ZNF521: variants seen among roughly 807,000 people sequenced by gnomAD.
ZNF521 encodes the protein zinc finger protein 521, also known as LYST-interacting protein 3.
In ZNF521, 14 loss-of-function variants were observed where a neutral mutation model predicts 105.5. The observed-to-expected ratio is 0.13, with a 90% CI of 0.09 to 0.21. ZNF521 has a LOEUF of 0.21. ZNF521 is among the 10% of genes least tolerant of loss of function. The pLI, the probability that ZNF521 is intolerant of heterozygous loss-of-function variation, is 1.00. For missense variants in ZNF521, 1,233 were observed against 1,629.7 expected (o/e 0.76, Z 4.19); for synonymous variants, 635 against 606.0 (o/e 1.05, Z -0.70).
At chr18:25,286,980 A>C (rs1183239094) in intron 3 of ZNF521, among the ~76,000 whole-genome samples, 1 of 152,236 alleles carries the variant, frequency 6.6e-6, no homozygotes, top group Non-Finnish European at 1.5e-5. Context: ...ATATCAGTGA[A>C]TACTCCAAAA....
rs1568021724 is a variant in ZNF521 at position 25,226,631 on chromosome 18, G to A, written c.1287C>T (p.His429=). The change falls in exon 4 of 8, where the codon CAC becomes CAT. Residue 429 remains histidine, a synonymous_variant. Transcript: ENST00000361524. This position sits in a 1 kb window ranked among gnomAD's most constrained non-coding sequence, Gnocchi z 4.1. ...AVLQIHLKTM[H]LDKPEQAHIC... ...TATGGGCCTGTTCTGGCTTATCTAA[G>A]TGCATAGTTTTCAGGTGAATCTGCA... is the stretch of plus-strand genomic sequence containing the variant. The A allele has an allele frequency of 6.2e-7, 1 of 1,614,194 alleles. No individual in the cohort carries two copies. Among genetic ancestry groups the A allele is most frequent in the East Asian group, 2.2e-5 (1 of 44,874 alleles).
chr18:25,114,864 T>A (rs1405134954), intron 5 of ZNF521, among the ~76,000 whole-genome samples: 1 of 152,232 alleles, frequency 6.6e-6, no homozygotes, highest in East Asian at 1.9e-4. Flanking sequence ...CTCAAGGATG[T>A]CACAGAAGTT....
At chr18:25,066,277 A>G (rs1349384263) in intron 7 of ZNF521, among the ~76,000 whole-genome samples, 1 of 152,112 alleles carries the variant, frequency 6.6e-6, no homozygotes, top group Non-Finnish European at 1.5e-5. Flanking sequence ...CAATGGATAT[A>G]CTTGTGTTGG....
chr18:25,213,278 G>A (rs2036225168), intron 4 of ZNF521, among the ~76,000 whole-genome samples: 1 of 149,594 alleles, frequency 6.7e-6, no homozygotes, highest in African/African-American at 2.4e-5. Flanking sequence ...TATAATGCTT[G>A]CTTAAGATAA....
intron 7 of ZNF521, among the ~76,000 whole-genome samples, chr18:25,081,323 A>T (rs1343993592): frequency 6.6e-6 from 1 of 152,222 alleles, no homozygotes; most frequent in Non-Finnish European, 1.5e-5. Context: ...TCCTAGAATG[A>T]AGAGGTGGTG....
intron 5 of ZNF521, among the ~76,000 whole-genome samples, chr18:25,095,629 A>G (rs1308212444): frequency 6.6e-6 from 1 of 152,160 alleles, no homozygotes; most frequent in Non-Finnish European, 1.5e-5. Context: ...GGAAAAACCT[A>G]CCTTTTCTAA....
chr18:25,072,344 T>C (rs2033246211), intron 7 of ZNF521, among the ~76,000 whole-genome samples: 1 of 152,192 alleles, frequency 6.6e-6, no homozygotes. Context: ...AAAGGACAAA[T>C]TCTGCTGTGA....
chr18:25,227,094 T>C lies in ZNF521; in HGVS notation c.824A>G (p.Asn275Ser). 2 of 1,614,046 alleles carry C rather than the reference T, an allele frequency of 1.2e-6. No homozygotes were observed. The highest frequency in any genetic ancestry group is 1.6e-4 in the Middle Eastern group (1 of 6,062). Reference protein sequence around the residue: ...IAECHPECSPNEDRAALQCVY... With the variant: ...IAECHPECSPSEDRAALQCVY... Reference sequence around the variant, plus strand: ...ACACTGGAGGGCCGCTCGGTCCTCATTTGGGGAGCATTCGGGGTGGCACTC... The same window carrying C: ...ACACTGGAGGGCCGCTCGGTCCTCACTTGGGGAGCATTCGGGGTGGCACTC... Residue 275 changes from asparagine (N) to serine (S), a missense_variant, in exon 4 of 8, where the codon AAT (asparagine) becomes AGT (serine). Asn to Ser is a conservative substitution (Grantham distance 46). Around this residue, in one of 6 missense-constraint regions of ZNF521, gnomAD observed 380 missense variants for 478.0 expected, o/e 0.80. Coordinates refer to ENST00000361524, the MANE Select transcript of ZNF521 (RefSeq NM_015461.3). This position sits in a 1 kb window ranked among gnomAD's most constrained non-coding sequence, Gnocchi z 5.7.
chr18:25,275,426 G>C (rs745327369), intron 3 of ZNF521, among the ~76,000 whole-genome samples: 1 of 152,150 alleles, frequency 6.6e-6, no homozygotes, highest in Non-Finnish European at 1.5e-5. Flanking sequence ...AAATGAAAAC[G>C]AATGTACAGA....
At chr18:25,174,855 AAG>A (rs2035509407) in intron 5 of ZNF521, among the ~76,000 whole-genome samples, 2 of 152,188 alleles carry the variant, frequency 1.3e-5, no homozygotes, top group Admixed American at 6.5e-5. Flanking sequence ...TTAATTTCTA[AAG>A]AGTGTTAATT....
At chr18:25,261,574 TTCC>T (rs1908911436) in intron 3 of ZNF521, among the ~76,000 whole-genome samples, 1 of 152,146 alleles carries the variant, frequency 6.6e-6, no homozygotes, top group African/African-American at 2.4e-5. Context: ...TTTATTTGAT[TTCC>T]TCCTCCTCTC....
intron 4 of ZNF521, among the ~76,000 whole-genome samples, chr18:25,196,944 A>G (rs1172351452): frequency 6.6e-6 from 1 of 151,820 alleles, no homozygotes; most frequent in African/African-American, 2.4e-5. Context: ...TTAGCACAGT[A>G]AAACATACAA....
chr18:25,225,168 G>A lies in ZNF521; in HGVS notation c.2750C>T (p.Ala917Val). 1 of 1,614,078 alleles carries A rather than the reference G, an allele frequency of 6.2e-7. No individual in the cohort carries two copies. The highest frequency in any genetic ancestry group is 8.5e-7 in the Non-Finnish European group (1 of 1,180,012). ...RDHNIRPGES[A>V]IVKKKAELIK... ...GAGCTCAGCTTTCTTTTTCACGATG[G>A]CACTTTCTCCAGGTCTGATGTTGTG... The change falls in exon 4 of 8, where the codon GCC becomes GTC. Residue 917 changes from alanine (A) to valine (V), a missense_variant. Transcript: ENST00000361524. This position sits in a 1 kb window ranked among gnomAD's most constrained non-coding sequence, Gnocchi z 5.6.
At chr18:25,199,150 C>T (rs569187227) in intron 4 of ZNF521, among the ~76,000 whole-genome samples, 1 of 151,774 alleles carries the variant, frequency 6.6e-6, no homozygotes, top group African/African-American at 2.4e-5. Context: ...ACAAATATTA[C>T]TATGAGAAAA....
At chr18:25,342,291 T>C (rs997406998) in intron 2 of ZNF521, among the ~76,000 whole-genome samples, 1 of 152,158 alleles carries the variant, frequency 6.6e-6, no homozygotes, top group Non-Finnish European at 1.5e-5. Flanking sequence ...CCCCTATGTA[T>C]AGGAACTTCA....
At chr18:25,223,396 G>A (rs1313870889) in intron 4 of ZNF521, among the ~76,000 whole-genome samples, 3 of 152,154 alleles carry the variant, frequency 2.0e-5, no homozygotes, top group Non-Finnish European at 2.9e-5. Flanking sequence ...CCACAGGGGG[G>A]CCTCCGCCAG....
intron 5 of ZNF521, among the ~76,000 whole-genome samples, chr18:25,092,985 C>T (rs2033778671): frequency 5.3e-5 from 8 of 152,174 alleles, no homozygotes; most frequent in Admixed American, 5.2e-4. Context: ...ACCAGGGGCA[C>T]TAGAGCTAGC....
intron 5 of ZNF521, among the ~76,000 whole-genome samples, chr18:25,122,396 T>C (rs2034460539): frequency 6.6e-6 from 1 of 152,214 alleles, no homozygotes; most frequent in Non-Finnish European, 1.5e-5. Context: ...CAGAGTGTCA[T>C]GAACATTCAG....
At chr18:25,112,729 T>C (rs2034217829) in intron 5 of ZNF521, among the ~76,000 whole-genome samples, 2 of 152,126 alleles carry the variant, frequency 1.3e-5, no homozygotes, top group South Asian at 4.1e-4. Flanking sequence ...TATTTTGATA[T>C]CTCTATTAAC....
Sources: gnomAD v4.1 joint callset for allele counts (sites outside exome capture counted in the v4.1 genomes callset) on GRCh38, gnomAD v4.1.1 for gene constraint, gnomAD v4.1.1 regional missense constraint, Gnocchi (gnomAD v3.1) non-coding constraint, MANE v1.5 for transcripts, NCBI Gene and HGNC (gene_info 2026-07-23, HGNC 2026-07-21) for gene names.